Variants in FMNL1 observed in about 807,000 individuals in gnomAD.
FMNL1 encodes the protein formin like 1.
In FMNL1, 43 loss-of-function variants were observed where a neutral mutation model predicts 121.3. The ratio of observed to expected loss-of-function variants is 0.35; its 90% CI spans 0.28 to 0.46. FMNL1 has a LOEUF of 0.46. FMNL1 is among the 20% of genes least tolerant of loss of function. The probability of loss-of-function intolerance (pLI) is 1.00; values close to 1 mark genes in which losing one functional copy is unlikely to be tolerated. For missense variants in FMNL1, 1,191 were observed against 1,482.4 expected (o/e 0.80, Z 3.23); for synonymous variants, 613 against 613.5 (o/e 1.00, Z 0.01).
At chr17:45,245,802 G>A in intron 23 of FMNL1, 69 bp downstream of exon 23, 1 of 1,606,492 alleles carries the variant, frequency 6.2e-7, no homozygotes. Context: ...CAGCGGAGGG[G>A]TGGGGCTGCT....
intron 17 of FMNL1, 51 bp from the exon 18 acceptor site, chr17:45,243,740 G>A: frequency 6.4e-7 from 1 of 1,551,636 alleles, no homozygotes; most frequent in Non-Finnish European, 8.8e-7. Flanking sequence ...CTGCTCCCAG[G>A]GACTGGTGGG....
chr17:45,226,908 A>G (rs1207855531), intron 1 of FMNL1, among the ~76,000 whole-genome samples: 1 of 152,180 alleles, frequency 6.6e-6, no homozygotes, highest in Non-Finnish European at 1.5e-5. Flanking sequence ...GGGTCTCCTC[A>G]TAGATCTCCT....
Position 45,246,586 on chromosome 17 carries a change from T to TGCCCCTCTA in FMNL1, c.3301_*6dup. 6.2e-7 allele frequency: 1 copy of TGCCCCTCTA among 1,605,852 alleles called. No homozygotes were observed. Among genetic ancestry groups the TGCCCCTCTA allele is most frequent in the African/African-American group, 1.3e-5 (1 of 74,852 alleles). ...TGTGAGGCCAGCCTGGGAGAAGAGA[T>TGCCCCTCTA]GCCCCTCTAGCCCCTCAGGTACCCA... is the stretch of plus-strand genomic sequence containing the variant. On this transcript the variant is annotated stop_gained and inframe_insertion, in exon 26 of 27. Transcript: ENST00000331495. LOFTEE classifies it high-confidence loss of function.
chr17:45,233,698 T>G lies in FMNL1; in HGVS notation c.452T>G (p.Leu151Arg). The G allele has an allele frequency of 6.2e-7, 1 of 1,614,084 alleles. No homozygotes were observed. Among genetic ancestry groups the G allele is most frequent in the Non-Finnish European group, 8.5e-7 (1 of 1,179,980 alleles). Residue 151 changes from leucine (L) to arginine (R), a missense_variant, in exon 5 of 27, where the codon CTC becomes CGC. Physicochemically the swap from Leu to Arg is moderately radical, Grantham distance 102 (BLOSUM62 -2). Around this residue, in one of 4 missense-constraint regions of FMNL1, gnomAD observed 253 missense variants for 417.5 expected, o/e 0.61. Coordinates refer to ENST00000331495, the MANE Select transcript of FMNL1 (RefSeq NM_005892.4). This position sits in a 1 kb window ranked among gnomAD's most constrained non-coding sequence, Gnocchi z 4.1. ...NEENRGLDVL[L>R]EYLAFAQCSV... ...GAGAACCGTGGCCTGGATGTGCTGC[T>G]CGAGTACCTGGCCTTTGCCCAGTGC... is the stretch of plus-strand genomic sequence containing the variant.
Position 45,237,211 on chromosome 17 carries a change from C to A in FMNL1, c.724-70C>A. On this transcript the variant is annotated intron_variant, in intron 7 of 26. Coordinates refer to ENST00000331495, the MANE Select transcript of FMNL1 (RefSeq NM_005892.4). This position sits in a 1 kb window ranked among gnomAD's most constrained non-coding sequence, Gnocchi z 4.4. ...CCTAAACTCGAGGGCAGTTAAAGAT[C>A]CACGTGGCGTGGGTGCCTGAAGTCC... The A allele has an allele frequency of 6.9e-7, 1 of 1,445,192 alleles. No homozygotes were observed. Among genetic ancestry groups the A allele is most frequent in the Admixed American group, 1.7e-5 (1 of 58,368 alleles). The allele number at this position is 1,445,192 out of a possible 1,614,324, so 89.5% of individuals were successfully genotyped here. A position where few individuals can be genotyped will look rare whatever the true frequency, so the allele number is the denominator to read the frequency against.
intron 6 of FMNL1, 79 bp downstream of exon 6, chr17:45,234,279 G>A (rs774866768): frequency 2.1e-5 from 34 of 1,607,956 alleles, no homozygotes; most frequent in Middle Eastern, 1.6e-4. Flanking sequence ...AGCCCACCCC[G>A]GGCCCTTGGG....
At chr17:45,223,729 C>T (rs1222994993) in intron 1 of FMNL1, among the ~76,000 whole-genome samples, 1 of 152,164 alleles carries the variant, frequency 6.6e-6, no homozygotes. Context: ...GGTCCTTGGA[C>T]CCCTGCCAAC....
chr17:45,241,243 C>CGGGT lies in FMNL1; in HGVS notation c.1332+16_1332+19dup. ...GGAGACCCTGCGGGTGAGGCTGGGG[C>CGGGT]GGGTGGTAGGCCAGGCGCCCAAGAA... On this transcript the variant is annotated intron_variant, in intron 13 of 26. Coordinates refer to ENST00000331495, the MANE Select transcript of FMNL1 (RefSeq NM_005892.4). The surrounding 1 kb of genome is among the most constrained non-coding windows in gnomAD (Gnocchi z 7.0). 6.2e-7 allele frequency: 1 copy of CGGGT among 1,613,854 alleles called. No homozygotes were observed. The highest frequency in any genetic ancestry group is 8.5e-7 in the Non-Finnish European group (1 of 1,179,938).
Position 45,241,550 on chromosome 17 carries a change from A to G in FMNL1, c.1501A>G (p.Ile501Val). 1.3e-6 allele frequency: 2 copies of G among 1,573,040 alleles called. No homozygotes were observed. The highest frequency in any genetic ancestry group is 1.7e-6 in the Non-Finnish European group (2 of 1,159,982). Residue 501 changes from isoleucine to valine, a missense_variant, in exon 14 of 27, where the codon ATC becomes GTC. This residue lies in a region of FMNL1 where 519 missense variants were observed against 492.8 expected (regional missense o/e 1.05). Coordinates refer to ENST00000331495, the MANE Select transcript of FMNL1 (RefSeq NM_005892.4). The surrounding 1 kb of genome is among the most constrained non-coding windows in gnomAD (Gnocchi z 7.0). ...GCGGGGGCCGGGGGATGCTGTCTCCATCGAGATCCTCCCCGTCGCTGTGGC... is the reference window on the plus strand; with the variant it reads ...GCGGGGGCCGGGGGATGCTGTCTCCGTCGAGATCCTCCCCGTCGCTGTGGC... ...ILRGPGDAVSIEILPVAVATP... is the reference protein window; with the variant it reads ...ILRGPGDAVSVEILPVAVATP...
In FMNL1 at chr17:45,233,599, G is replaced by A; in HGVS notation, c.402-49G>A. 1.2e-6 allele frequency: 2 copies of A among 1,607,884 alleles called. No homozygotes were observed. Among genetic ancestry groups the A allele is most frequent in the Non-Finnish European group, 1.7e-6 (2 of 1,175,172 alleles). ...GCTGTCCCTGTTCTGTGCCCATGTG[G>A]GGCAGGACCTCCTTTCTGGCTGGAG... On this transcript the variant is annotated intron_variant, in intron 4 of 26. Coordinates refer to ENST00000331495, the MANE Select transcript of FMNL1 (RefSeq NM_005892.4). The surrounding 1 kb of genome is among the most constrained non-coding windows in gnomAD (Gnocchi z 4.1).
rs752873629 is a variant in FMNL1, at chr17:45,241,661, G to A, written c.1585+27G>A. The stretch of plus-strand genomic sequence containing the variant: ...TGCGCAGGAGCTTCAGGCTGGCGGG[G>A]ATGCGGGGCAGGGTCTGGAGGGGAG... On this transcript the variant is annotated intron_variant, in intron 14 of 26. Transcript: ENST00000331495. This position sits in a 1 kb window ranked among gnomAD's most constrained non-coding sequence, Gnocchi z 7.0. 6.1e-5 allele frequency: 90 copies of A among 1,474,990 alleles called. 3 individuals carry two copies. The South Asian group carries it at 1.2e-3, about 19-fold the overall frequency. The allele number at this position is 1,474,990 out of a possible 1,614,324, so 91.4% of individuals were successfully genotyped here.
chr17:45,246,531 C>T lies in FMNL1; in HGVS notation c.3238C>T (p.Arg1080Cys). The change falls in exon 26 of 27, where the codon CGC (arginine) becomes TGC (cysteine). Residue 1080 changes from arginine (R) to cysteine (C), a missense_variant. Arg to Cys is a radical substitution (Grantham distance 180, BLOSUM62 -3). Transcript: ENST00000331495. ...GATCAAGACGGTGCCCTTCACGGCCCGCACCGGCAAGCGGACATCCCGGCT... is the reference window on the plus strand; with the variant it reads ...GATCAAGACGGTGCCCTTCACGGCCTGCACCGGCAAGCGGACATCCCGGCT... Reference protein sequence around the residue: ...TVIKTVPFTARTGKRTSRLLC... With the variant: ...TVIKTVPFTACTGKRTSRLLC... 2 of 1,614,052 alleles carry T rather than the reference C, an allele frequency of 1.2e-6. No individual in the cohort carries two copies. Among genetic ancestry groups the T allele is most frequent in the South Asian group, 1.1e-5 (1 of 91,084 alleles).
rs1239763898 is a variant in FMNL1 at position 45,238,712 on chromosome 17, G to T, written c.969+74G>T. ...GTGCAGGGAGCAGCTAGGGTCCTGG[G>T]TGCTGGGCAATGGGCTCTGCCCCCG... is the stretch of plus-strand genomic sequence containing the variant. On this transcript the variant is annotated intron_variant, in intron 10 of 26. Transcript: ENST00000331495. The T allele has an allele frequency of 3.8e-6, 6 of 1,574,582 alleles. No homozygotes were observed. In the East Asian group the frequency reaches 1.1e-4, roughly 29 times the overall value.
chr17:45,233,172 C>A lies in FMNL1; in HGVS notation c.328-52C>A, dbSNP rs561347014. On this transcript the variant is annotated intron_variant, in intron 3 of 26. Transcript: ENST00000331495. This position sits in a 1 kb window ranked among gnomAD's most constrained non-coding sequence, Gnocchi z 4.1. ...GCCTGCTGCCTCAGGACTTGGTGGG[C>A]CTGTGGGAGGCCGGGCTCCACCCAC... 99 of 1,537,510 alleles carry A rather than the reference C, an allele frequency of 6.4e-5. No homozygotes were observed. Among genetic ancestry groups the A allele is most frequent in the Non-Finnish European group, 8.5e-5 (97 of 1,134,908 alleles).
intron 1 of FMNL1, among the ~76,000 whole-genome samples, chr17:45,230,261 G>A (rs1037573412): frequency 2.6e-5 from 4 of 152,138 alleles, no homozygotes; most frequent in Non-Finnish European, 5.9e-5. Context: ...AGGAAAACTG[G>A]GGCCCAGAAG....
chr17:45,245,342 A>G lies in FMNL1; in HGVS notation c.2818A>G (p.Met940Val), dbSNP rs2143643112. 2 of 1,614,196 alleles carry G rather than the reference A, an allele frequency of 1.2e-6. No homozygotes were observed. Among genetic ancestry groups the G allele is most frequent in the East Asian group, 2.2e-5 (1 of 44,876 alleles). The change falls in exon 22 of 27, where the codon ATG (methionine) becomes GTG (valine). Residue 940 changes from methionine (M) to valine (V), a missense_variant. By Grantham distance (21) the Met-to-Val change is conservative. Around this residue, in one of 4 missense-constraint regions of FMNL1, gnomAD observed 367 missense variants for 528.6 expected, o/e 0.69. Transcript: ENST00000331495. ...AGAGTTTGTGCGGCAGGATGACTGC[A>G]TGGTGCTCAAGGAGTTCCTGAGGGC... ...QREFVRQDDC[M>V]VLKEFLRANS...
At chr17:45,243,593 G>A (rs1368498192) in intron 17 of FMNL1, among the ~76,000 whole-genome samples, 198 bp from the exon 18 acceptor site, 1 of 152,240 alleles carries the variant, frequency 6.6e-6, no homozygotes, top group African/African-American at 2.4e-5. Flanking sequence ...CGTACGATGG[G>A]GACCCTGGCT....
At chr17:45,246,395 A>G (rs770872880) in intron 25 of FMNL1, 65 bp downstream of exon 25, 7 of 1,613,330 alleles carry the variant, frequency 4.3e-6, no homozygotes, top group Middle Eastern at 1.6e-4. Flanking sequence ...TTCTGACCCA[A>G]TGCGCTATCC....
chr17:45,235,729 A>T (rs975453449), intron 6 of FMNL1, among the ~76,000 whole-genome samples: 1 of 152,178 alleles, frequency 6.6e-6, no homozygotes, highest in Non-Finnish European at 1.5e-5. Flanking sequence ...AAAGTGAGGG[A>T]TAGGGAGATT....
Sources: gnomAD v4.1 joint callset for allele counts (sites outside exome capture counted in the v4.1 genomes callset) on GRCh38, gnomAD v4.1.1 for gene constraint, gnomAD v4.1.1 regional missense constraint, Gnocchi (gnomAD v3.1) non-coding constraint, MANE v1.5 for transcripts, NCBI Gene and HGNC (gene_info 2026-07-23, HGNC 2026-07-21) for gene names.